EYS: variants seen among roughly 807,000 people sequenced by gnomAD.
EYS encodes protein eyes shut homolog.
Under a neutral mutation model 282.1 loss-of-function variants are expected in EYS, and 250 were observed. The ratio of observed to expected loss-of-function variants is 0.89; its 90% CI spans 0.80 to 0.98. The LOEUF (loss-of-function observed/expected upper bound fraction) is 0.98. Ranked by LOEUF, EYS falls within the 50% of genes least tolerant of loss-of-function variation. The pLI is 0.00. For missense variants in EYS, 4,016 were observed against 3,709.0 expected (o/e 1.08, Z -2.15); for synonymous variants, 1,355 against 1,282.9 (o/e 1.06, Z -1.20).
chr6:65,224,894 C>T (rs185939281), intron 12 of EYS, among the ~76,000 whole-genome samples: 1 of 152,098 alleles, frequency 6.6e-6, no homozygotes, highest in Admixed American at 6.5e-5. Flanking sequence ...CCGGACTTAC[C>T]ATAGGTAAAG....
intron 11 of EYS, among the ~76,000 whole-genome samples, chr6:65,316,360 C>A (rs1769294949): frequency 6.6e-6 from 1 of 151,992 alleles, no homozygotes; most frequent in Admixed American, 6.6e-5. Flanking sequence ...CTTAGATTAT[C>A]TTCTAATTGA....
At chr6:64,559,516 G>A (rs1253791998) in intron 26 of EYS, among the ~76,000 whole-genome samples, 1 of 151,926 alleles carries the variant, frequency 6.6e-6, no homozygotes, top group East Asian at 1.9e-4. Context: ...TCAATACAAA[G>A]TTACATTTTT....
chr6:64,266,347 G>A (rs1298771254), intron 30 of EYS, among the ~76,000 whole-genome samples: 1 of 151,936 alleles, frequency 6.6e-6, no homozygotes, highest in Non-Finnish European at 1.5e-5. Context: ...TGAAATTCCT[G>A]TGGGAAAGCA....
chr6:63,907,080 A>G (rs1773796413), intron 35 of EYS, among the ~76,000 whole-genome samples: 1 of 152,140 alleles, frequency 6.6e-6, no homozygotes, highest in Admixed American at 6.5e-5. Flanking sequence ...CTGGTGTTCT[A>G]TTTCCATAAC....
chr6:64,211,571 A>T (rs1024736658), intron 31 of EYS, among the ~76,000 whole-genome samples: 11 of 138,430 alleles, frequency 7.9e-5, no homozygotes, highest in African/African-American at 2.7e-4. Flanking sequence ...ATATATATAT[A>T]TATTTTTTTT....
At chr6:65,548,194 T>C (rs1320754248) in intron 2 of EYS, among the ~76,000 whole-genome samples, 2 of 147,374 alleles carry the variant, frequency 1.4e-5, no homozygotes, top group African/African-American at 5.1e-5. Flanking sequence ...TAATGTGACA[T>C]GATCATACTT....
intron 1 of EYS, among the ~76,000 whole-genome samples, chr6:65,651,548 T>C (rs1310140598): frequency 1.3e-5 from 2 of 152,054 alleles, no homozygotes; most frequent in Non-Finnish European, 2.9e-5. Flanking sequence ...TATTTCAAAC[T>C]TAAATTTTTA....
chr6:64,762,683 GCA>G (rs150860565), intron 22 of EYS, among the ~76,000 whole-genome samples: 2,748 of 149,994 alleles, frequency 0.018, 71 homozygotes, highest in African/African-American at 0.06. Flanking sequence ...ACACACACAT[GCA>G]CACACACACA....
chr6:63,972,650 C>T (rs1397693120), intron 35 of EYS, among the ~76,000 whole-genome samples: 1 of 152,104 alleles, frequency 6.6e-6, no homozygotes, highest in Non-Finnish European at 1.5e-5. Context: ...ATCAACCCAT[C>T]ATCTACGTCA....
At chr6:64,829,735 A>G (rs1482649745) in intron 19 of EYS, among the ~76,000 whole-genome samples, 2 of 151,988 alleles carry the variant, frequency 1.3e-5, no homozygotes, top group Non-Finnish European at 2.9e-5. Flanking sequence ...AATAATCATT[A>G]TATGATGCTT....
intron 22 of EYS, among the ~76,000 whole-genome samples, chr6:64,675,888 C>A (rs1054970939): frequency 6.6e-6 from 1 of 150,590 alleles, no homozygotes. Context: ...TAATATGAAA[C>A]TTTTAGACAT....
intron 35 of EYS, among the ~76,000 whole-genome samples, chr6:63,887,875 C>T (rs545752186): frequency 2.0e-5 from 3 of 152,210 alleles, no homozygotes; most frequent in African/African-American, 7.2e-5. Flanking sequence ...CAGATCTCAC[C>T]CCCATGGAGC....
rs1316151464 is a variant in EYS at position 64,064,087 on chromosome 6, G to C, written c.6725+2251C>G. ...CTCTATTCATTTTTAAAGCTCTTTG[G>C]TCTCTCTAGCACAGGCTAGGTTACT... On this transcript the variant is annotated intron_variant, in intron 33 of 42. Transcript: ENST00000503581. Among the ~76,000 whole-genome samples, 8 of 152,128 alleles carry C rather than the reference G, an allele frequency of 5.3e-5. No individual in the cohort carries two copies. The East Asian group carries it at 1.5e-3, about 29-fold the overall frequency.
intron 12 of EYS, among the ~76,000 whole-genome samples, chr6:65,188,260 A>C (rs1475050168): frequency 6.6e-6 from 1 of 151,734 alleles, no homozygotes; most frequent in Non-Finnish European, 1.5e-5. Context: ...ACTAGGAAAA[A>C]ATGCTAATAA....
chr6:64,600,227 C>CT (rs1048943492), intron 24 of EYS, among the ~76,000 whole-genome samples: 5 of 132,330 alleles, frequency 3.8e-5, no homozygotes, highest in South Asian at 2.5e-4. Flanking sequence ...TTTCAGCTCT[C>CT]TTTTTTTTCA....
chr6:64,258,505 G>T (rs901787001), intron 30 of EYS, among the ~76,000 whole-genome samples: 3 of 151,770 alleles, frequency 2.0e-5, no homozygotes, highest in Admixed American at 6.6e-5. Flanking sequence ...ACAAACAAAA[G>T]AAAAAAGTGT....
At chr6:63,811,800 C>A (rs1009340852) in intron 36 of EYS, among the ~76,000 whole-genome samples, 1 of 152,124 alleles carries the variant, frequency 6.6e-6, no homozygotes, top group South Asian at 2.1e-4. Flanking sequence ...CCCAGCCTTC[C>A]CTCTCTTTGC....
At chr6:63,776,068 CT>C (rs1292367161) in intron 40 of EYS, among the ~76,000 whole-genome samples, 4 of 152,126 alleles carry the variant, frequency 2.6e-5, no homozygotes, top group African/African-American at 9.7e-5. Context: ...ATCTTTCCCC[CT>C]GTACATTATT....
chr6:65,572,702 AT>A (rs1764521142), intron 2 of EYS, among the ~76,000 whole-genome samples: 1 of 152,144 alleles, frequency 6.6e-6, no homozygotes, highest in Admixed American at 6.6e-5. Flanking sequence ...ATACTCTTGG[AT>A]GTTCATACAA....
Sources: gnomAD v4.1 joint callset for allele counts (sites outside exome capture counted in the v4.1 genomes callset) on GRCh38, gnomAD v4.1.1 for gene constraint, MANE v1.5 for transcripts, NCBI Gene and HGNC (gene_info 2026-07-23, HGNC 2026-07-21) for gene names.